The following RBPMS2 variants were observed in gnomAD, a reference collection of about 807,000 sequenced individuals.
The protein encoded by RBPMS2 is RNA-binding protein with multiple splicing 2.
Under a neutral mutation model 25.7 loss-of-function variants are expected in RBPMS2, and 14 were observed. That is an observed-to-expected ratio of 0.55 (90% confidence interval 0.36 to 0.85). The LOEUF is 0.85. Among genes scored for constraint, RBPMS2 ranks in the 40% least tolerant of loss-of-function variants. The pLI is 0.01. For synonymous variants in RBPMS2, 127 were observed against 115.6 expected (o/e 1.10, Z -0.63); for missense variants, 252 against 283.4 (o/e 0.89, Z 0.80).
At chr15:64,770,747 C>G (rs564943198) in intron 1 of RBPMS2, among the ~76,000 whole-genome samples, 3 of 152,236 alleles carry the variant, frequency 2.0e-5, no homozygotes, top group African/African-American at 7.2e-5. Context: ...GGAATTACCT[C>G]GCACTCATCT....
intron 2 of RBPMS2, among the ~76,000 whole-genome samples, chr15:64,751,279 G>A (rs1269231272): frequency 1.3e-5 from 2 of 151,538 alleles, no homozygotes; most frequent in African/African-American, 2.4e-5. Context: ...GTTGCAGTGA[G>A]CCGAGATCAA....
chr15:64,775,189 C>A, intron 1 of RBPMS2, 44 bp downstream of exon 1: 1 of 1,143,906 alleles, frequency 8.7e-7, no homozygotes, highest in Non-Finnish European at 1.1e-6. Context: ...CCGCGCCCGC[C>A]TGGCGTGCGC....
At chr15:64,773,798 C>G (rs557969563) in intron 1 of RBPMS2, among the ~76,000 whole-genome samples, 7 of 152,192 alleles carry the variant, frequency 4.6e-5, no homozygotes, top group African/African-American at 1.7e-4. Context: ...AGTACGCTAG[C>G]AACCCTGTCA....
At chr15:64,769,379 G>A (rs189725695) in intron 1 of RBPMS2, among the ~76,000 whole-genome samples, 1,659 of 146,624 alleles carry the variant, frequency 0.011, 18 homozygotes, top group African/African-American at 0.03. Flanking sequence ...AGCCGAGATC[G>A]CGCCATTGCA....
intron 1 of RBPMS2, among the ~76,000 whole-genome samples, chr15:64,766,226 T>G (rs1417228057): frequency 6.6e-6 from 1 of 152,028 alleles, no homozygotes; most frequent in East Asian, 1.9e-4. Flanking sequence ...TGGCCGTGAG[T>G]TGACTGACAG....
Position 64,775,332 on chromosome 15 carries a change from G to C in RBPMS2, c.-13C>G. ...TCAGGTTGCTCATGGTGCGGGGGAG[G>C]GGGCGGCGGGAAGGAACGCGAGGGC... On this transcript the variant is annotated 5_prime_UTR_variant, in exon 1 of 8. Transcript: ENST00000300069. The C allele has an allele frequency of 7.8e-7, 1 of 1,275,362 alleles. No homozygotes were observed. The highest frequency in any genetic ancestry group is 1.6e-5 in the African/African-American group (1 of 64,216). The allele number at this position is 1,275,362 out of a possible 1,614,324, so 79.0% of individuals were successfully genotyped here.
intron 1 of RBPMS2, among the ~76,000 whole-genome samples, chr15:64,752,629 T>G (rs1185487205): frequency 1.3e-5 from 2 of 152,008 alleles, no homozygotes; most frequent in Non-Finnish European, 2.9e-5. Context: ...TTTTTTTTTT[T>G]TGAGATGGAG....
chr15:64,756,483 C>T (rs980546274), intron 1 of RBPMS2, among the ~76,000 whole-genome samples: 1 of 150,948 alleles, frequency 6.6e-6, no homozygotes, highest in African/African-American at 2.4e-5. Flanking sequence ...TACCATTGCA[C>T]TCCATCCTGG....
At chr15:64,754,743 G>A (rs1381338939) in intron 1 of RBPMS2, among the ~76,000 whole-genome samples, 1 of 151,150 alleles carries the variant, frequency 6.6e-6, no homozygotes, top group African/African-American at 2.4e-5. Context: ...CCTACTACGT[G>A]CCCAGCCTGG....
At chr15:64,762,493 C>G (rs1459251742) in intron 1 of RBPMS2, 4 of 534,690 alleles carry the variant, frequency 7.5e-6, no homozygotes, top group Non-Finnish European at 1.5e-5. Context: ...CTGCCATCAT[C>G]ATCGCACCCA....
intron 6 of RBPMS2, among the ~76,000 whole-genome samples, chr15:64,747,096 A>G (rs528686278): frequency 1.3e-5 from 2 of 152,186 alleles, no homozygotes; most frequent in East Asian, 3.9e-4. Flanking sequence ...CCTCTGATCA[A>G]TTTTCAAGCT....
intron 1 of RBPMS2, among the ~76,000 whole-genome samples, chr15:64,759,225 C>A (rs1254113484): frequency 2.6e-5 from 4 of 152,202 alleles, no homozygotes; most frequent in Admixed American, 6.5e-5. Context: ...AGTAGAGCCC[C>A]CCATCCTCAG....
chr15:64,753,754 T>A (rs751830899), intron 1 of RBPMS2, among the ~76,000 whole-genome samples: 1 of 152,024 alleles, frequency 6.6e-6, no homozygotes, highest in Non-Finnish European at 1.5e-5. Context: ...GGGGTTGGGG[T>A]GATGGCACCT....
At chr15:64,750,126 AAGAAAC>A (rs930563145) in intron 3 of RBPMS2, among the ~76,000 whole-genome samples, 3 of 152,112 alleles carry the variant, frequency 2.0e-5, no homozygotes, top group African/African-American at 7.2e-5. Flanking sequence ...CCAGATTCCT[AAGAAAC>A]AGACAGGGAG....
chr15:64,754,057 C>G (rs1311975995), intron 1 of RBPMS2, among the ~76,000 whole-genome samples: 1 of 152,130 alleles, frequency 6.6e-6, no homozygotes. Flanking sequence ...ATGCCTGTAA[C>G]CCCAGCACTT....
rs34364733 is a variant in RBPMS2, at chr15:64,764,920, C to CA, written c.87+10312dup. Reference sequence around the variant, plus strand: ...GTGACAACAGAGTGAGACTCCGTCTCAAAAAAAAAAAAAAAAGAAGAACTG... The same window carrying CA: ...GTGACAACAGAGTGAGACTCCGTCTCAAAAAAAAAAAAAAAAAGAAGAACTG... On this transcript the variant is annotated intron_variant, in intron 1 of 7. Coordinates refer to ENST00000300069, the MANE Select transcript of RBPMS2 (RefSeq NM_194272.3). Among the ~76,000 whole-genome samples the CA allele has an allele frequency of 1.9e-3, 193 of 103,334 alleles. 1 individual carries two copies. The highest frequency in any genetic ancestry group is 6.7e-3 in the Middle Eastern group (1 of 150). 67.8% of individuals were successfully genotyped at this position (103,334 alleles called of 152,430 possible). A position where few individuals can be genotyped will look rare whatever the true frequency, so the allele number is the denominator to read the frequency against.
chr15:64,751,519 G>A (rs942827907), intron 2 of RBPMS2, 42 bp downstream of exon 2: 2 of 1,555,408 alleles, frequency 1.3e-6, no homozygotes, highest in African/African-American at 2.7e-5. Flanking sequence ...GCTTCTCCAG[G>A]GTCCCAGGCT....
At chr15:64,767,318 G>A (rs1199291936) in intron 1 of RBPMS2, among the ~76,000 whole-genome samples, 1 of 152,130 alleles carries the variant, frequency 6.6e-6, no homozygotes, top group African/African-American at 2.4e-5. Flanking sequence ...CTGCCTCATG[G>A]TTTGCCAGAG....
At chr15:64,748,739 T>C (rs1233932454) in intron 5 of RBPMS2, among the ~76,000 whole-genome samples, 172 bp from the exon 6 acceptor site, 1 of 151,646 alleles carries the variant, frequency 6.6e-6, no homozygotes, top group Non-Finnish European at 1.5e-5. Context: ...CGGCCTGTCA[T>C]GGTGTGCATC....
Sources: gnomAD v4.1 joint callset for allele counts (sites outside exome capture counted in the v4.1 genomes callset) on GRCh38, gnomAD v4.1.1 for gene constraint, MANE v1.5 for transcripts, NCBI Gene and HGNC (gene_info 2026-07-23, HGNC 2026-07-21) for gene names.